NUP210L: variants seen among roughly 807,000 people sequenced by gnomAD.
NUP210L encodes nuclear pore membrane glycoprotein 210-like.
Under a neutral mutation model 208.5 loss-of-function variants are expected in NUP210L, and 74 were observed. That is an observed-to-expected ratio of 0.35 (90% CI 0.29 to 0.43). The LOEUF (loss-of-function observed/expected upper bound fraction) is 0.43, where lower values mean the gene tolerates loss of function less well. NUP210L is among the 20% of genes least tolerant of loss of function. NUP210L has a pLI of 1.00. For synonymous variants in NUP210L, 780 were observed against 816.9 expected (o/e 0.95, Z 0.77); for missense variants, 1,843 against 2,289.4 (o/e 0.81, Z 3.98).
At chr1:154,061,337 C>T (rs1277210987) in intron 18 of NUP210L, among the ~76,000 whole-genome samples, 1 of 151,988 alleles carries the variant, frequency 6.6e-6, no homozygotes, top group Non-Finnish European at 1.5e-5. Flanking sequence ...AAGATCATGT[C>T]ACTGCACTCC....
At chr1:154,085,790 G>T (rs879264101) in intron 16 of NUP210L, among the ~76,000 whole-genome samples, 1 of 152,298 alleles carries the variant, frequency 6.6e-6, no homozygotes, top group Non-Finnish European at 1.5e-5. Flanking sequence ...ATAGATTTTA[G>T]AGTCCAAAAA....
intron 16 of NUP210L, among the ~76,000 whole-genome samples, chr1:154,076,037 C>T (rs1412068082): frequency 6.6e-6 from 1 of 151,964 alleles, no homozygotes; most frequent in African/African-American, 2.4e-5. Flanking sequence ...GATCCGTCCA[C>T]CTCAGGCTCC....
At chr1:153,996,314 A>G (rs182780695) in intron 37 of NUP210L, among the ~76,000 whole-genome samples, 4 of 152,136 alleles carry the variant, frequency 2.6e-5, no homozygotes, top group Non-Finnish European at 5.9e-5. Context: ...ACAAACAAAA[A>G]CATGCTGTTT....
At chr1:154,082,114 C>A (rs1486202344) in intron 16 of NUP210L, among the ~76,000 whole-genome samples, 2 of 152,206 alleles carry the variant, frequency 1.3e-5, no homozygotes, top group African/African-American at 4.8e-5. Flanking sequence ...GTGTCTGGGA[C>A]TCTCTGAAGA....
At chr1:154,002,332 A>G (rs2147889421) in intron 35 of NUP210L, among the ~76,000 whole-genome samples, 1 of 152,100 alleles carries the variant, frequency 6.6e-6, no homozygotes, top group East Asian at 1.9e-4. Flanking sequence ...CTCCCACCTC[A>G]GCCTCCCGAG....
At chr1:154,049,878 G>A (rs927806223) in intron 25 of NUP210L, among the ~76,000 whole-genome samples, 2 of 152,172 alleles carry the variant, frequency 1.3e-5, no homozygotes, top group Non-Finnish European at 2.9e-5. Flanking sequence ...TAAACAACCT[G>A]AAGCCTGCTA....
At chr1:154,121,722 CTGGGCA>C (rs2148106568) in intron 10 of NUP210L, among the ~76,000 whole-genome samples, 1 of 152,072 alleles carries the variant, frequency 6.6e-6, no homozygotes, top group South Asian at 2.1e-4. Flanking sequence ...CAAAAATTAG[CTGGGCA>C]TGGTGGCGGG....
Position 154,154,994 on chromosome 1 carries a change from GAA to G in NUP210L, c.49_50del (p.Phe17LeufsTer23), listed in dbSNP as rs1558016193. ...ACAGGAGGCGGTGTAGACGCAAGAA[GAA>G]AAAGAGCCCGAAGCCTCGGCGTCTT... is the stretch of plus-strand genomic sequence containing the variant. On this transcript the variant is annotated frameshift_variant, in exon 1 of 40. Coordinates refer to ENST00000368559, the Ensembl canonical transcript of NUP210L. LOFTEE classifies it high-confidence loss of function. The G allele has an allele frequency of 6.2e-7, 1 of 1,613,874 alleles. No individual in the cohort carries two copies. Among genetic ancestry groups the G allele is most frequent in the Admixed American group, 1.7e-5 (1 of 59,956 alleles).
exon 11 of NUP210L, chr1:154,118,768 T>A: frequency 6.3e-7 from 1 of 1,594,524 alleles, no homozygotes; most frequent in Non-Finnish European, 8.6e-7. Flanking sequence ...CACTTCTTGT[T>A]GGTGTTTGAT....
Position 154,125,620 on chromosome 1 carries a change from T to TGAAAGGAAGGAAG in NUP210L, c.1326+690_1326+702dup, listed in dbSNP as rs1472627268. Among the ~76,000 whole-genome samples the TGAAAGGAAGGAAG allele has an allele frequency of 7.8e-4, 50 of 64,276 alleles. 1 individual carries two copies. The highest frequency in any genetic ancestry group is 7.5e-3 in the Middle Eastern group (1 of 134). The allele number at this position is 64,276 out of a possible 152,430, so 42.2% of individuals were successfully genotyped here. ...CTGGCTGATGAAATGAGGCCCTCTC[T>TGAAAGGAAGGAAG]GAAAGGAAGGAAGGAAGGAAGGAAG... is the stretch of plus-strand genomic sequence containing the variant. On this transcript the variant is annotated intron_variant, in intron 10 of 39. Transcript: ENST00000368559.
chr1:154,140,046 T>C (rs1282721316), intron 4 of NUP210L, 94 bp from the exon 5 acceptor site: 1 of 993,968 alleles, frequency 1.0e-6, no homozygotes, highest in Admixed American at 2.2e-5. Context: ...TTCTTCAATG[T>C]CTATAGAATG....
intron 10 of NUP210L, among the ~76,000 whole-genome samples, 198 bp from the exon 11 acceptor site, chr1:154,119,006 T>A (rs1657477043): frequency 6.6e-6 from 1 of 152,020 alleles, no homozygotes; most frequent in Admixed American, 6.6e-5. Context: ...GAAAATGAAA[T>A]AATAATGAAA....
At chr1:154,094,294 C>T (rs1352411830) in intron 15 of NUP210L, among the ~76,000 whole-genome samples, 1 of 151,232 alleles carries the variant, frequency 6.6e-6, no homozygotes, top group Non-Finnish European at 1.5e-5. Context: ...AAAACAACAA[C>T]AACAACAACA....
At chr1:154,123,067 AAAC>A (rs1374723473) in intron 10 of NUP210L, among the ~76,000 whole-genome samples, 127 of 138,918 alleles carry the variant, frequency 9.1e-4, no homozygotes, top group African/African-American at 3.2e-3. Context: ...AAAAAAAAAA[AAAC>A]CACAAAAAAC....
chr1:154,021,940 A>G (rs1169149537), intron 32 of NUP210L, among the ~76,000 whole-genome samples, 186 bp downstream of exon 32: 1 of 152,142 alleles, frequency 6.6e-6, no homozygotes, highest in Non-Finnish European at 1.5e-5. Flanking sequence ...ATTCTAGGGG[A>G]TTAATTGCTT....
chr1:154,090,372 A>G (rs371132040), intron 15 of NUP210L, among the ~76,000 whole-genome samples: 116 of 152,364 alleles, frequency 7.6e-4, no homozygotes, highest in African/African-American at 2.2e-3. Context: ...ACAAAAAGAA[A>G]TTAGGAAACT....
intron 16 of NUP210L, among the ~76,000 whole-genome samples, chr1:154,084,193 C>T (rs1429484399): frequency 6.6e-6 from 1 of 151,126 alleles, no homozygotes; most frequent in African/African-American, 2.4e-5. Context: ...GAGCACGTTA[C>T]CATGCTTGGC....
At chr1:154,031,420 G>A (rs1652211815) in intron 27 of NUP210L, among the ~76,000 whole-genome samples, 2 of 151,952 alleles carry the variant, frequency 1.3e-5, no homozygotes, top group African/African-American at 4.8e-5. Flanking sequence ...ATAAGTTATT[G>A]TTGACTGTAT....
intron 7 of NUP210L, among the ~76,000 whole-genome samples, chr1:154,130,530 C>A (rs891369306): frequency 1.3e-5 from 2 of 151,714 alleles, no homozygotes; most frequent in Non-Finnish European, 2.9e-5. Flanking sequence ...GCCTCAGCCT[C>A]CCAAAGCGTT....
Sources: gnomAD v4.1 joint callset for allele counts (sites outside exome capture counted in the v4.1 genomes callset) on GRCh38, gnomAD v4.1.1 for gene constraint, MANE v1.5 for transcripts, NCBI Gene and HGNC (gene_info 2026-07-23, HGNC 2026-07-21) for gene names.